The following RAB5C variants were observed in gnomAD, a reference collection of about 807,000 sequenced individuals.
RAB5C encodes the protein ras-related protein Rab-5C.
RAB5C carries 4 observed loss-of-function variants against 25.2 expected under a neutral mutation model. That is an observed-to-expected ratio of 0.16 (90% CI 0.08 to 0.36). The LOEUF is 0.36. Ranked by LOEUF, RAB5C falls within the 10% of genes least tolerant of loss-of-function variation. The probability of loss-of-function intolerance (pLI) is 1.00; values close to 1 mark genes in which losing one functional copy is unlikely to be tolerated. For synonymous variants in RAB5C, 100 were observed against 106.4 expected, an observed-to-expected ratio of 0.94 and a Z score of 0.37; for missense variants, 199 against 283.8, an observed-to-expected ratio of 0.70 and a Z score of 2.15.
intron 2 of RAB5C, 90 bp downstream of exon 2, chr17:42,130,247 A>T: frequency 6.6e-7 from 1 of 1,513,292 alleles, no homozygotes; most frequent in East Asian, 2.3e-5. Flanking sequence ...TTAGTCCCTA[A>T]TGCAGGCAGG....
chr17:42,129,826 A>G (rs978678481), intron 2 of RAB5C, among the ~76,000 whole-genome samples: 3 of 152,264 alleles, frequency 2.0e-5, no homozygotes, highest in African/African-American at 7.2e-5. Flanking sequence ...GGCCGAGGCC[A>G]GACCCTCACT....
chr17:42,130,461 A>T lies in RAB5C; in HGVS notation c.42T>A (p.Ala14=). ...TAAATTGACAGATCTTGTTCCCAGC[A>T]GCTGGTCCATTGGGTCGTGCTGCGC... ...RGGAARPNGP[A]AGNKICQFKL... Residue 14 remains alanine (A), a synonymous_variant, in exon 2 of 6, where the codon GCT becomes GCA. Coordinates refer to ENST00000346213, the MANE Select transcript of RAB5C (RefSeq NM_004583.4). The T allele has an allele frequency of 1.2e-6, 2 of 1,614,122 alleles. No individual in the cohort carries two copies. Among genetic ancestry groups the T allele is most frequent in the African/African-American group, 2.7e-5 (2 of 75,014 alleles).
intron 1 of RAB5C, chr17:42,138,018 T>A (rs893750109): frequency 4.6e-5 from 7 of 152,294 alleles, no homozygotes; most frequent in African/African-American, 1.7e-4. Flanking sequence ...GATTCCCACA[T>A]ATATATTAAG....
At chr17:42,127,066 G>A (rs552582878) in intron 4 of RAB5C, among the ~76,000 whole-genome samples, 39 of 152,286 alleles carry the variant, frequency 2.6e-4, no homozygotes, top group Admixed American at 3.9e-4. Context: ...TGTCTTACCC[G>A]GGTTTCCCCA....
At chr17:42,131,403 GAA>G in intron 1 of RAB5C, among the ~76,000 whole-genome samples, 1 of 149,820 alleles carries the variant, frequency 6.7e-6, no homozygotes, top group Non-Finnish European at 1.5e-5. Flanking sequence ...AACACACACA[GAA>G]ACACACACAC....
chr17:42,135,346 C>T (rs2054526603), intron 1 of RAB5C, among the ~76,000 whole-genome samples: 1 of 151,684 alleles, frequency 6.6e-6, no homozygotes, highest in Non-Finnish European at 1.5e-5. Context: ...CAGCCTTGAC[C>T]TCCCAGGCTC....
intron 1 of RAB5C, among the ~76,000 whole-genome samples, chr17:42,149,439 G>A (rs182129846): frequency 6.6e-5 from 10 of 152,134 alleles, no homozygotes; most frequent in East Asian, 5.8e-4. Flanking sequence ...AAAACTAGCC[G>A]GGCATGGTGG....
chr17:42,147,249 C>T (rs1031915851), intron 1 of RAB5C, among the ~76,000 whole-genome samples: 2 of 151,896 alleles, frequency 1.3e-5, no homozygotes, highest in African/African-American at 4.8e-5. Flanking sequence ...TGTTAAAGAC[C>T]CCATCTGTGG....
rs549258909 is a variant in RAB5C, at chr17:42,144,764, T to TA, written c.-89+10128dup. Among the ~76,000 whole-genome samples, 625 of 151,006 alleles carry TA rather than the reference T, an allele frequency of 4.1e-3. 2 individuals are homozygous for TA. The highest frequency in any genetic ancestry group is 6.1e-3 in the Non-Finnish European group (413 of 67,668). ...TAACAAGGTGAAACCCTGTCTCTAC[T>TA]AAAAATACAAAAATTAGCTGGGCGT... On this transcript the variant is annotated intron_variant, in intron 1 of 5. Coordinates refer to ENST00000346213, the MANE Select transcript of RAB5C (RefSeq NM_004583.4).
intron 1 of RAB5C, among the ~76,000 whole-genome samples, chr17:42,142,905 C>A (rs551720869): frequency 3.3e-5 from 5 of 152,326 alleles, no homozygotes; most frequent in African/African-American, 9.6e-5. Flanking sequence ...CATGTGGAAT[C>A]TCTTACAAGA....
rs1195950369 is a variant in RAB5C, at chr17:42,126,789, A to G, written c.501T>C (p.Thr167=). 13 of 1,613,506 alleles carry G rather than the reference A, an allele frequency of 8.1e-6. No individual in the cohort carries two copies. Among genetic ancestry groups the G allele is most frequent in the Non-Finnish European group, 1.1e-5 (13 of 1,179,604 alleles). The change falls in exon 5 of 6, where the codon ACT becomes ACC. Residue 167 remains threonine, a synonymous_variant. Coordinates refer to ENST00000346213, the MANE Select transcript of RAB5C (RefSeq NM_004583.4). Reference sequence around the variant, plus strand: ...TGAAGATTTCGTTCACGTTCATTGCAGTCTTTGCTGATGTCTCCATGAACA... The same window carrying G: ...TGAAGATTTCGTTCACGTTCATTGCGGTCTTTGCTGATGTCTCCATGAACA... The part of the protein sequence containing the change: ...SLLFMETSAK[T]AMNVNEIFMA...
intron 4 of RAB5C, among the ~76,000 whole-genome samples, chr17:42,127,616 T>C (rs2054439968): frequency 6.7e-6 from 1 of 149,286 alleles, no homozygotes; most frequent in Non-Finnish European, 1.5e-5. Flanking sequence ...CGATCACTGC[T>C]CACTGCAGCC....
At chr17:42,127,996 C>T (rs1419339917) in intron 4 of RAB5C, among the ~76,000 whole-genome samples, 1 of 151,932 alleles carries the variant, frequency 6.6e-6, no homozygotes, top group Admixed American at 6.6e-5. Context: ...ATTTTTAAAT[C>T]TTTTGCAGAG....
chr17:42,150,700 T>C (rs893080464), intron 1 of RAB5C, among the ~76,000 whole-genome samples: 2 of 148,818 alleles, frequency 1.3e-5, no homozygotes, highest in Admixed American at 6.8e-5. Context: ...ACCCCATCTC[T>C]ACAAAAATAC....
At chr17:42,138,361 A>G (rs894013224) in intron 1 of RAB5C, among the ~76,000 whole-genome samples, 1 of 152,174 alleles carries the variant, frequency 6.6e-6, no homozygotes, top group Non-Finnish European at 1.5e-5. Flanking sequence ...GCCCAGGGTG[A>G]GATCTAGCCG....
At chr17:42,146,017 G>A (rs1452598021) in intron 1 of RAB5C, among the ~76,000 whole-genome samples, 1 of 152,110 alleles carries the variant, frequency 6.6e-6, no homozygotes, top group Non-Finnish European at 1.5e-5. Context: ...ATGTTAGCCA[G>A]GCTGGTCTCG....
chr17:42,146,346 G>T (rs1029037623), intron 1 of RAB5C, among the ~76,000 whole-genome samples: 4 of 152,188 alleles, frequency 2.6e-5, no homozygotes, highest in Non-Finnish European at 4.4e-5. Flanking sequence ...AAAACTATGT[G>T]TGAGGGATTG....
chr17:42,131,413 C>A (rs1404993882), intron 1 of RAB5C, among the ~76,000 whole-genome samples: 1 of 151,808 alleles, frequency 6.6e-6, no homozygotes, highest in Non-Finnish European at 1.5e-5. Flanking sequence ...GAAACACACA[C>A]ACCGGAACAA....
chr17:42,129,182 G>T (rs979699301), intron 2 of RAB5C, among the ~76,000 whole-genome samples: 1 of 152,108 alleles, frequency 6.6e-6, no homozygotes, highest in African/African-American at 2.4e-5. Flanking sequence ...GCCACTCAGA[G>T]AACAGACCAG....
Sources: allele counts gnomAD v4.1 joint callset (sites outside exome capture counted in the v4.1 genomes callset), GRCh38; gene constraint gnomAD v4.1.1; transcripts MANE v1.5; gene names NCBI Gene and HGNC (gene_info 2026-07-23, HGNC 2026-07-21).